Variants in VAX2 observed in about 807,000 individuals in gnomAD.
The protein encoded by VAX2 is ventral anterior homeobox 2.
A neutral mutation model predicts 12.5 loss-of-function variants in VAX2; 8 were observed. The ratio of observed to expected loss-of-function variants is 0.64; its 90% CI spans 0.37 to 1.15. The LOEUF is 1.15. Among genes scored for constraint, VAX2 ranks in the 50% most tolerant of loss-of-function variants. The pLI is 0.01. For missense variants in VAX2, 476 were observed against 412.9 expected (o/e 1.15, Z -1.32); for synonymous variants, 183 against 187.6 (o/e 0.98, Z 0.20).
intron 2 of VAX2, among the ~76,000 whole-genome samples, chr2:70,931,949 C>T (rs1679703414): frequency 6.6e-6 from 1 of 152,228 alleles, no homozygotes. Context: ...ACACTGGCTT[C>T]TTCACCTTGG....
At chr2:70,927,914 G>T (rs1055675610) in intron 2 of VAX2, among the ~76,000 whole-genome samples, 1 of 152,192 alleles carries the variant, frequency 6.6e-6, no homozygotes, top group African/African-American at 2.4e-5. Flanking sequence ...GAGGGAGACA[G>T]CCCAGAAGGT....
At chr2:70,929,182 G>T (rs1393808593) in intron 2 of VAX2, among the ~76,000 whole-genome samples, 1 of 152,130 alleles carries the variant, frequency 6.6e-6, no homozygotes, top group Non-Finnish European at 1.5e-5. Flanking sequence ...AATCTTCCTT[G>T]ACCATCCCTT....
rs577799022 is a variant in VAX2 at position 70,928,087 on chromosome 2, G to C, written c.436-4680G>C. 7.9e-5 allele frequency among the ~76,000 whole-genome samples: 12 copies of C among 152,308 alleles called. No homozygotes were observed. The East Asian group carries it at 2.3e-3, about 29-fold the overall frequency. On this transcript the variant is annotated intron_variant, in intron 2 of 2. Coordinates refer to ENST00000234392, the MANE Select transcript of VAX2 (RefSeq NM_012476.3). Reference sequence around the variant, plus strand: ...CTGAGATGGAAATGAAGGTTTCCTGGGGCAGGAGGGACACATTCAGAGGGC... The same window carrying C: ...CTGAGATGGAAATGAAGGTTTCCTGCGGCAGGAGGGACACATTCAGAGGGC...
At chr2:70,930,773 C>T (rs1294824092) in intron 2 of VAX2, among the ~76,000 whole-genome samples, 1 of 152,248 alleles carries the variant, frequency 6.6e-6, no homozygotes, top group African/African-American at 2.4e-5. Context: ...TTCTCAAAAC[C>T]ACAGCAGTTG....
Position 70,932,934 on chromosome 2 carries a change from G to A in VAX2, c.603G>A (p.Leu201=). ...CTGTGCCCAGGGCCCCTAGCCTCCT[G>A]GCGCTGACCCCTAGCCTGCCAGGCC... is the stretch of plus-strand genomic sequence containing the variant. ...LLSVPRAPSL[L]ALTPSLPGLP... is the part of the protein sequence containing the mutation. The change falls in exon 3 of 3, where the codon CTG becomes CTA. Residue 201 remains leucine, a synonymous_variant. Transcript: ENST00000234392. The A allele has an allele frequency of 6.2e-7, 1 of 1,613,006 alleles. No individual in the cohort carries two copies. The highest frequency in any genetic ancestry group is 8.5e-7 in the Non-Finnish European group (1 of 1,179,804).
intron 1 of VAX2, among the ~76,000 whole-genome samples, chr2:70,919,253 A>T (rs1329326747): frequency 2.0e-5 from 3 of 151,904 alleles, no homozygotes; most frequent in Non-Finnish European, 4.4e-5. Flanking sequence ...AAAAGAATAA[A>T]AAAAAAAGAC....
In VAX2 at chr2:70,927,727, G is replaced by A. The variant is rs372048616; in HGVS notation, c.436-5040G>A. 1.1e-4 allele frequency among the ~76,000 whole-genome samples: 16 copies of A among 152,220 alleles called. 1 individual carries two copies. Among genetic ancestry groups the A allele is most frequent in the African/African-American group, 3.9e-4 (16 of 41,510 alleles). ...AACTGTGCCCATCTCCTGGTGCGCG[G>A]CCATGGATCACAGTGTGGCCCAGAA... On this transcript the variant is annotated intron_variant, in intron 2 of 2. Coordinates refer to ENST00000234392, the MANE Select transcript of VAX2 (RefSeq NM_012476.3).
chr2:70,927,873 G>A (rs1286416679), intron 2 of VAX2, among the ~76,000 whole-genome samples: 1 of 152,154 alleles, frequency 6.6e-6, no homozygotes, highest in Non-Finnish European at 1.5e-5. Flanking sequence ...GCAGCCTCCA[G>A]GAGGCCACAC....
chr2:70,913,453 G>A (rs193138734), intron 1 of VAX2, among the ~76,000 whole-genome samples: 24 of 152,212 alleles, frequency 1.6e-4, no homozygotes, highest in Middle Eastern at 3.4e-3. Context: ...AGGCTGAGGC[G>A]GGGGGATCAC....
At chr2:70,914,902 A>G (rs1553411739) in intron 1 of VAX2, among the ~76,000 whole-genome samples, 1 of 151,718 alleles carries the variant, frequency 6.6e-6, no homozygotes, top group Admixed American at 6.6e-5. Context: ...CCCAGGTTCA[A>G]GTGATTCTCA....
chr2:70,914,000 C>T (rs1439717219), intron 1 of VAX2, among the ~76,000 whole-genome samples: 2 of 152,108 alleles, frequency 1.3e-5, no homozygotes, highest in African/African-American at 2.4e-5. Flanking sequence ...TTTTATAATA[C>T]AAATGTACCA....
chr2:70,919,564 G>T (rs893115457), intron 1 of VAX2, among the ~76,000 whole-genome samples: 1 of 152,050 alleles, frequency 6.6e-6, no homozygotes, highest in Non-Finnish European at 1.5e-5. Flanking sequence ...AATAAGTCCA[G>T]GCACAATGGC....
chr2:70,933,291 G>C lies in VAX2; in HGVS notation c.*87G>C, dbSNP rs2270262. On this transcript the variant is annotated 3_prime_UTR_variant, in exon 3 of 3. Coordinates refer to ENST00000234392, the MANE Select transcript of VAX2 (RefSeq NM_012476.3). ...CGGACAGCACTGAGCAGGCCCCGGA[G>C]AGGAGGGGCTGCAGCCACACACTCT... 389,062 of 1,290,948 alleles carry C rather than the reference G, an allele frequency of 0.3. 60,452 individuals are homozygous for C. Among genetic ancestry groups the C allele is most frequent in the East Asian group, 0.5 (16,841 of 33,628 alleles). 80.0% of individuals were successfully genotyped at this position (1,290,948 alleles called of 1,614,324 possible).
At chr2:70,918,039 C>T (rs1679346697) in intron 1 of VAX2, among the ~76,000 whole-genome samples, 1 of 152,202 alleles carries the variant, frequency 6.6e-6, no homozygotes, top group Non-Finnish European at 1.5e-5. Context: ...AGTGGGGTCA[C>T]ACATATTATC....
At position 70,904,931 on chromosome 2, in the gene VAX2, G is replaced by A. The variant is rs1679016776; in HGVS notation, c.247+4063G>A. On this transcript the variant is annotated intron_variant, in intron 1 of 2. Coordinates refer to ENST00000234392, the MANE Select transcript of VAX2 (RefSeq NM_012476.3). This position sits in a 1 kb window ranked among gnomAD's most constrained non-coding sequence, Gnocchi z 4.2. ...CACAGCACAATGGCGTGCAGCCGCC[G>A]GGGCCCTAACTCCCAGAGACGCGTC... Among the ~76,000 whole-genome samples the A allele has an allele frequency of 6.6e-6, 1 of 152,206 alleles. No individual in the cohort carries two copies. Among genetic ancestry groups the A allele is most frequent in the Non-Finnish European group, 1.5e-5 (1 of 68,040 alleles).
chr2:70,932,094 G>A (rs1320996620), intron 2 of VAX2, among the ~76,000 whole-genome samples: 1 of 152,176 alleles, frequency 6.6e-6, no homozygotes, highest in Admixed American at 6.5e-5. Context: ...AGGGTCGAGA[G>A]GTGCTGCTGT....
At chr2:70,929,913 G>C (rs1229278113) in intron 2 of VAX2, among the ~76,000 whole-genome samples, 1 of 152,196 alleles carries the variant, frequency 6.6e-6, no homozygotes, top group Non-Finnish European at 1.5e-5. Context: ...CACGTGGCAA[G>C]GATTCACTGG....
intron 2 of VAX2, among the ~76,000 whole-genome samples, chr2:70,927,301 C>T (rs370323792): frequency 2.6e-5 from 4 of 151,692 alleles, no homozygotes; most frequent in Admixed American, 6.6e-5. Context: ...GGCTGGAGGA[C>T]GTTCTCAGGG....
At chr2:70,902,151 C>T (rs3755341) in intron 1 of VAX2, among the ~76,000 whole-genome samples, 34,949 of 152,190 alleles carry the variant, frequency 0.23, 4,358 homozygotes, top group Non-Finnish European at 0.26. Context: ...TTGGGCACTA[C>T]CTCTCTGCGG....
Sources: gnomAD v4.1 joint callset for allele counts (sites outside exome capture counted in the v4.1 genomes callset) on GRCh38, gnomAD v4.1.1 for gene constraint, Gnocchi (gnomAD v3.1) non-coding constraint, MANE v1.5 for transcripts, NCBI Gene and HGNC (gene_info 2026-07-23, HGNC 2026-07-21) for gene names.